GRAMD2A: variants seen among roughly 807,000 people sequenced by gnomAD.
The protein encoded by GRAMD2A is GRAM domain containing 2A.
A neutral mutation model predicts 51.1 loss-of-function variants in GRAMD2A; 37 were observed. That is an observed-to-expected ratio of 0.72 (90% CI 0.56 to 0.95). The LOEUF (loss-of-function observed/expected upper bound fraction) is 0.95. Among genes scored for constraint, GRAMD2A ranks in the 40% least tolerant of loss-of-function variants. The pLI is 0.00. For synonymous variants in GRAMD2A, 136 were observed against 157.1 expected, an observed-to-expected ratio of 0.87 and a Z score of 1.01; for missense variants, 414 against 426.9, an observed-to-expected ratio of 0.97 and a Z score of 0.27.
chr15:72,188,393 G>A (rs2081747782), intron 1 of GRAMD2A, among the ~76,000 whole-genome samples: 1 of 151,206 alleles, frequency 6.6e-6, no homozygotes, highest in African/African-American at 2.4e-5. Flanking sequence ...AGAAAAAAAG[G>A]AAGTACTATA....
chr15:72,184,344 G>A (rs1426447441), intron 1 of GRAMD2A, among the ~76,000 whole-genome samples: 1 of 152,254 alleles, frequency 6.6e-6, no homozygotes, highest in South Asian at 2.1e-4. Context: ...AGCGGCGCCC[G>A]CGGCGGCACT....
intron 1 of GRAMD2A, among the ~76,000 whole-genome samples, chr15:72,195,499 C>T (rs1388571189): frequency 6.6e-6 from 1 of 152,168 alleles, no homozygotes; most frequent in Non-Finnish European, 1.5e-5. Flanking sequence ...TCCAAGAGGC[C>T]AGCTGGCAGC....
intron 5 of GRAMD2A, 140 bp downstream of exon 5, chr15:72,167,596 G>T: frequency 1.4e-6 from 1 of 697,146 alleles, no homozygotes; most frequent in South Asian, 1.6e-5. Flanking sequence ...GGGATGCCTC[G>T]AAGCTGCGCA....
At chr15:72,173,639 C>T (rs563450818) in intron 1 of GRAMD2A, 18 of 152,244 alleles carry the variant, frequency 1.2e-4, no homozygotes, top group African/African-American at 4.3e-4. Flanking sequence ...AATTAAAAGC[C>T]AACTCCTGGC....
chr15:72,174,573 A>G (rs2081638123), intron 1 of GRAMD2A, among the ~76,000 whole-genome samples: 3 of 152,258 alleles, frequency 2.0e-5, no homozygotes, highest in East Asian at 3.9e-4. Context: ...GTGTTTTGAC[A>G]TTAAAGGAGG....
rs1038126240 is a variant in GRAMD2A, at chr15:72,169,117, C to T, written c.135-121G>A. The T allele has an allele frequency of 9.8e-6, 8 of 817,030 alleles. No homozygotes were observed. The Admixed American group carries it at 1.2e-4, about 12-fold the overall frequency. 50.6% of individuals were successfully genotyped at this position (817,030 alleles called of 1,614,324 possible). A position where few individuals can be genotyped will look rare whatever the true frequency, so the allele number is the denominator to read the frequency against. On this transcript the variant is annotated intron_variant, in intron 2 of 11. Transcript: ENST00000309731. ...GAGGCAGAGATCAGAGACTAGGACC[C>T]TTCTCTAGGGGACACAGCAAAATGA...
chr15:72,162,700 C>T lies in GRAMD2A; in HGVS notation c.957-323G>A, dbSNP rs576243610. On this transcript the variant is annotated intron_variant, in intron 10 of 11. Transcript: ENST00000309731. The stretch of plus-strand genomic sequence containing the variant: ...AGCCATGGTGGTCCTTCCTGTGCCT[C>T]CTCTGGGAGGTCATGATGATGACCC... 1.4e-4 allele frequency: 38 copies of T among 262,174 alleles called. No individual in the cohort carries two copies. In the South Asian group the frequency reaches 2.0e-3, roughly 14 times the overall value. 16.2% of individuals were successfully genotyped at this position (262,174 alleles called of 1,614,324 possible).
intron 8 of GRAMD2A, among the ~76,000 whole-genome samples, chr15:72,165,125 C>T (rs2081527459): frequency 6.6e-6 from 1 of 152,198 alleles, no homozygotes; most frequent in African/African-American, 2.4e-5. Flanking sequence ...GGCAACATAG[C>T]AAGACTCTGT....
intron 1 of GRAMD2A, among the ~76,000 whole-genome samples, chr15:72,174,468 C>G (rs1341814963): frequency 1.3e-5 from 2 of 152,326 alleles, no homozygotes; most frequent in Admixed American, 6.5e-5. Flanking sequence ...CGTCCCATCC[C>G]CATGCCCCAG....
intron 1 of GRAMD2A, among the ~76,000 whole-genome samples, chr15:72,196,294 T>G: frequency 6.6e-6 from 1 of 152,062 alleles, no homozygotes; most frequent in Admixed American, 6.6e-5. Context: ...GGTGGGTGGA[T>G]CACCTGAGGT....
rs538838656 is a variant in GRAMD2A at position 72,170,834 on chromosome 15, G to A, written c.42-895C>T. Among the ~76,000 whole-genome samples, 12 of 152,328 alleles carry A rather than the reference G, an allele frequency of 7.9e-5. No individual in the cohort carries two copies. The East Asian group carries it at 2.3e-3, about 29-fold the overall frequency. ...TCAGGAACAGGTAACAAGGTCACGTGCAGTGGTCCTGCTGCAGATTAGGAG... is the reference window on the plus strand; with the variant it reads ...TCAGGAACAGGTAACAAGGTCACGTACAGTGGTCCTGCTGCAGATTAGGAG... On this transcript the variant is annotated intron_variant, in intron 1 of 11. Coordinates refer to ENST00000309731, the MANE Select transcript of GRAMD2A (RefSeq NM_001012642.3). The surrounding 1 kb of genome is among the most constrained non-coding windows in gnomAD (Gnocchi z 4.5).
Position 72,166,851 on chromosome 15 carries a change from G to C in GRAMD2A, c.471+143C>G. 1 of 936,316 alleles carries C rather than the reference G, an allele frequency of 1.1e-6. No individual in the cohort carries two copies. The highest frequency in any genetic ancestry group is 1.4e-5 in the South Asian group (1 of 71,822). 58.0% of individuals were successfully genotyped at this position (936,316 alleles called of 1,614,324 possible). ...GCTCTGCCTAGGAACTTCTCTTCCA[G>C]CTTGTTGTACGGCCTGAAATACCTA... On this transcript the variant is annotated intron_variant, in intron 6 of 11. Transcript: ENST00000309731. The surrounding 1 kb of genome is among the most constrained non-coding windows in gnomAD (Gnocchi z 4.1).
At chr15:72,173,264 A>G (rs1280414598) in intron 1 of GRAMD2A, among the ~76,000 whole-genome samples, 1 of 152,198 alleles carries the variant, frequency 6.6e-6, no homozygotes, top group Non-Finnish European at 1.5e-5. Context: ...GGATTATCTA[A>G]TCTTGCATAG....
intron 1 of GRAMD2A, among the ~76,000 whole-genome samples, chr15:72,186,124 T>G (rs1379869310): frequency 6.6e-6 from 1 of 152,084 alleles, no homozygotes; most frequent in African/African-American, 2.4e-5. Context: ...GCAAAGAATA[T>G]GAACAAGCAA....
intron 1 of GRAMD2A, among the ~76,000 whole-genome samples, chr15:72,179,759 G>T (rs2081683094): frequency 6.6e-6 from 1 of 152,168 alleles, no homozygotes; most frequent in African/African-American, 2.4e-5. Flanking sequence ...GACTAGCACT[G>T]GTGAGCGCTG....
chr15:72,168,000 C>A (rs760456131), intron 4 of GRAMD2A, among the ~76,000 whole-genome samples, 161 bp from the exon 5 acceptor site: 24 of 152,174 alleles, frequency 1.6e-4, no homozygotes, highest in Non-Finnish European at 2.5e-4. Context: ...ACAGTCCATT[C>A]CCCAGCGTCG....
At chr15:72,163,196 T>A in intron 10 of GRAMD2A, 70 bp downstream of exon 10, 1 of 1,070,486 alleles carries the variant, frequency 9.3e-7, no homozygotes, top group Non-Finnish European at 1.4e-6. Context: ...TTCCCCACAC[T>A]CCAAGGCCCT....
Position 72,163,251 on chromosome 15 carries a change from A to G in GRAMD2A, c.956+15T>C. 6.3e-7 allele frequency: 1 copy of G among 1,595,910 alleles called. No individual in the cohort carries two copies. Among genetic ancestry groups the G allele is most frequent in the South Asian group, 1.1e-5 (1 of 90,704 alleles). On this transcript the variant is annotated intron_variant, in intron 10 of 11. Transcript: ENST00000309731. The stretch of plus-strand genomic sequence containing the variant: ...TGCAGGTGGGTCTGTCCCCCTCCCC[A>G]GTATAGTCACTTACAGCACAAAGAA...
intron 1 of GRAMD2A, among the ~76,000 whole-genome samples, chr15:72,177,038 A>C (rs114175976): frequency 3.3e-5 from 5 of 150,794 alleles, no homozygotes; most frequent in African/African-American, 1.2e-4. Flanking sequence ...GCTATTTTTT[A>C]AAAAATTTTT....
Sources: allele counts gnomAD v4.1 joint callset (sites outside exome capture counted in the v4.1 genomes callset), GRCh38; gene constraint gnomAD v4.1.1; non-coding constraint Gnocchi (gnomAD v3.1); transcripts MANE v1.5; gene names NCBI Gene and HGNC (gene_info 2026-07-23, HGNC 2026-07-21).